Variants in RB1 observed in about 807,000 individuals in gnomAD.
RB1 encodes the protein RB transcriptional corepressor 1.
Under a neutral mutation model 135.4 loss-of-function variants are expected in RB1, and 18 were observed. The observed-to-expected ratio is 0.13, with a 90% CI of 0.09 to 0.20. RB1 has a LOEUF of 0.20. Ranked by LOEUF, RB1 falls within the 10% of genes least tolerant of loss-of-function variation. RB1 has a pLI of 1.00. For missense variants in RB1, 868 were observed against 1,110.0 expected, an observed-to-expected ratio of 0.78 and a Z score of 3.10; for synonymous variants, 365 against 373.2, an observed-to-expected ratio of 0.98 and a Z score of 0.25.
At chr13:48,326,406 A>G (rs1351529907) in intron 2 of RB1, among the ~76,000 whole-genome samples, 3 of 151,650 alleles carry the variant, frequency 2.0e-5, no homozygotes, top group Non-Finnish European at 4.4e-5. Context: ...TTGGTATTTT[A>G]TTAAAGACAT....
chr13:48,476,864 T>C (rs746307717), intron 25 of RB1, 21 bp downstream of exon 25: 1 of 1,612,620 alleles, frequency 6.2e-7, no homozygotes, highest in Non-Finnish European at 8.5e-7. Flanking sequence ...GTTTTGAATG[T>C]TTTCCAGTAG....
rs796161429 is a variant in RB1 at position 48,311,589 on chromosome 13, ATCCAT to A, written c.264+4184_264+4188del. The stretch of plus-strand genomic sequence containing the variant: ...ATACATAGAAAAGGTACAGTAGATC[ATCCAT>A]ATCCTTACTGATTTTCTTTCTATGT... On this transcript the variant is annotated intron_variant, in intron 2 of 26. Transcript: ENST00000267163. Among the ~76,000 whole-genome samples, 390 of 94,880 alleles carry A rather than the reference ATCCAT, an allele frequency of 4.1e-3. 1 individual carries two copies. The highest frequency in any genetic ancestry group is 0.012 in the African/African-American group (371 of 30,300). The allele number at this position is 94,880 out of a possible 152,430, so 62.2% of individuals were successfully genotyped here.
chr13:48,456,162 T>C (rs1379750775), intron 18 of RB1, 42 bp from the exon 19 acceptor site: 1 of 1,611,582 alleles, frequency 6.2e-7, no homozygotes, highest in Non-Finnish European at 8.5e-7. Context: ...CTGTGATTCT[T>C]AGCCAACTTG....
At chr13:48,313,626 A>C (rs904936664) in intron 2 of RB1, among the ~76,000 whole-genome samples, 13 of 151,484 alleles carry the variant, frequency 8.6e-5, no homozygotes, top group African/African-American at 3.1e-4. Context: ...CCACTTATGG[A>C]AAAGACTATT....
intron 25 of RB1, 119 bp downstream of exon 25, chr13:48,476,962 T>A: frequency 2.3e-6 from 3 of 1,309,880 alleles, no homozygotes; most frequent in Non-Finnish European, 3.3e-6. Flanking sequence ...TTGGAAGTTG[T>A]GAGAATGGCT....
At chr13:48,384,021 G>A (rs1368512014) in intron 17 of RB1, among the ~76,000 whole-genome samples, 2 of 152,086 alleles carry the variant, frequency 1.3e-5, no homozygotes, top group Admixed American at 1.3e-4. Flanking sequence ...TGTGGAGGAT[G>A]TAATAGAAAT....
chr13:48,428,722 A>G lies in RB1; in HGVS notation c.1696-24271A>G, dbSNP rs147708421. On this transcript the variant is annotated intron_variant, in intron 17 of 26. Transcript: ENST00000267163. The stretch of plus-strand genomic sequence containing the variant: ...ATGACCATCCTTCATTTTTAGCTTC[A>G]TCTTTATTTATTTAAAAAGTTTGCA... Among the ~76,000 whole-genome samples, 846 of 152,340 alleles carry G rather than the reference A, an allele frequency of 5.6e-3. 5 individuals are homozygous for G. Among genetic ancestry groups the G allele is most frequent in the Middle Eastern group, 0.01 (3 of 294 alleles).
At chr13:48,396,667 A>G (rs1948650938) in intron 17 of RB1, among the ~76,000 whole-genome samples, 1 of 152,198 alleles carries the variant, frequency 6.6e-6, no homozygotes, top group South Asian at 2.1e-4. Flanking sequence ...TAAACTAAAG[A>G]GCTTCTGCAC....
intron 2 of RB1, among the ~76,000 whole-genome samples, chr13:48,321,659 C>G (rs962809482): frequency 3.9e-5 from 6 of 151,974 alleles, no homozygotes; most frequent in African/African-American, 1.5e-4. Context: ...AGTTCGAGAC[C>G]AGCCTGGCTA....
Position 48,380,181 on chromosome 13 carries a change from A to G in RB1, c.1438A>G (p.Asn480Asp), listed in dbSNP as rs2138142819. 2 of 1,598,752 alleles carry G rather than the reference A, an allele frequency of 1.3e-6. No individual in the cohort carries two copies. Among genetic ancestry groups the G allele is most frequent in the Non-Finnish European group, 1.7e-6 (2 of 1,172,452 alleles). ...TTCCTTTAGCAAACTTCTGAATGAC[A>G]ACATTTTTCATATGTCTTTATTGGC... is the stretch of plus-strand genomic sequence containing the variant. ...IQNFSKLLNDNIFHMSLLACA... is the reference protein window; with the variant it reads ...IQNFSKLLNDDIFHMSLLACA... The change falls in exon 16 of 27, where the codon AAC (asparagine) becomes GAC (aspartate). Residue 480 changes from asparagine to aspartate, a missense_variant. By Grantham distance (23) the Asn-to-Asp change is conservative. This residue lies in a region of RB1 where 641 missense variants were observed against 791.3 expected (regional missense o/e 0.81). Transcript: ENST00000267163.
chr13:48,331,334 C>T (rs1593428185), intron 2 of RB1, among the ~76,000 whole-genome samples: 1 of 152,156 alleles, frequency 6.6e-6, no homozygotes, highest in Non-Finnish European at 1.5e-5. Flanking sequence ...TGTTTTCCCC[C>T]TCTAAAACTC....
chr13:48,357,580 C>T (rs1018569589), intron 6 of RB1, among the ~76,000 whole-genome samples: 4 of 151,980 alleles, frequency 2.6e-5, no homozygotes, highest in Non-Finnish European at 5.9e-5. Flanking sequence ...AGTGGCTTCC[C>T]GGCCCATTGT....
At chr13:48,465,711 C>G (rs1011611213) in intron 23 of RB1, among the ~76,000 whole-genome samples, 1 of 151,178 alleles carries the variant, frequency 6.6e-6, no homozygotes, top group Non-Finnish European at 1.5e-5. Flanking sequence ...GCACCGTGTG[C>G]GAGCCGAAGC....
rs555542480 is a variant in RB1, at chr13:48,448,929, T to C, written c.1696-4064T>C. Among the ~76,000 whole-genome samples the C allele has an allele frequency of 4.6e-5, 7 of 152,332 alleles. No homozygotes were observed. In the East Asian group the frequency reaches 9.6e-4, roughly 21 times the overall value. Reference sequence around the variant, plus strand: ...CAAACTAGTAAACAAGAATTTGAGCTTATATATCTCTAATTCCAGGACCTG... The same window carrying C: ...CAAACTAGTAAACAAGAATTTGAGCCTATATATCTCTAATTCCAGGACCTG... On this transcript the variant is annotated intron_variant, in intron 17 of 26. Coordinates refer to ENST00000267163, the MANE Select transcript of RB1 (RefSeq NM_000321.3).
intron 2 of RB1, 69 bp downstream of exon 2, chr13:48,307,475 C>T: frequency 6.9e-7 from 1 of 1,446,058 alleles, no homozygotes; most frequent in South Asian, 1.2e-5. Context: ...AATCACTATA[C>T]AAAAATTGAA....
At chr13:48,309,798 A>G (rs541948885) in intron 2 of RB1, among the ~76,000 whole-genome samples, 1 of 152,132 alleles carries the variant, frequency 6.6e-6, no homozygotes, top group African/African-American at 2.4e-5. Context: ...TTTTTTTTGT[A>G]CTAAACTATA....
chr13:48,412,993 A>G (rs1948843739), intron 17 of RB1: 1 of 168,912 alleles, frequency 5.9e-6, no homozygotes, highest in African/African-American at 2.4e-5. Context: ...AGTGGATCCC[A>G]GATTGTGGGT....
Position 48,479,986 on chromosome 13 carries a change from T to C in RB1, c.2714-12T>C. ...CATCAATGCTGTTAACAGTTCTTCA[T>C]CCTTTTTCCAGCTTCTACTCGAACA... On this transcript the variant is annotated splice_polypyrimidine_tract_variant and intron_variant, in intron 26 of 26. Coordinates refer to ENST00000267163, the MANE Select transcript of RB1 (RefSeq NM_000321.3). 1 of 1,610,450 alleles carries C rather than the reference T, an allele frequency of 6.2e-7. No homozygotes were observed. The highest frequency in any genetic ancestry group is 1.3e-5 in the African/African-American group (1 of 74,878).
intron 6 of RB1, among the ~76,000 whole-genome samples, chr13:48,359,264 T>A (rs1952617620): frequency 6.6e-6 from 1 of 151,818 alleles, no homozygotes; most frequent in African/African-American, 2.4e-5. Context: ...GTATATATAT[T>A]CTAATAACTT....
Sources: gnomAD v4.1 joint callset for allele counts (sites outside exome capture counted in the v4.1 genomes callset) on GRCh38, gnomAD v4.1.1 for gene constraint, gnomAD v4.1.1 regional missense constraint, MANE v1.5 for transcripts, NCBI Gene and HGNC (gene_info 2026-07-23, HGNC 2026-07-21) for gene names.